The following CYP4A11 variants were observed in gnomAD, a reference collection of about 807,000 sequenced individuals.
The protein encoded by CYP4A11 is cytochrome P450 family 4 subfamily A member 11, also known as cytochrome P450 4A11.
Under a neutral mutation model 57.7 loss-of-function variants are expected in CYP4A11, and 52 were observed. That is an observed-to-expected ratio of 0.90 (90% CI 0.72 to 1.14). The LOEUF (loss-of-function observed/expected upper bound fraction) is 1.14. CYP4A11 is among the 50% of genes most tolerant of loss of function. CYP4A11 has a pLI of 0.00. For missense variants in CYP4A11, 641 were observed against 642.1 expected (o/e 1.00, Z 0.02); for synonymous variants, 228 against 247.1 (o/e 0.92, Z 0.72).
chr1:46,933,825 T>C (rs4660980), intron 9 of CYP4A11, 121 bp downstream of exon 9: 209,330 of 1,445,466 alleles, frequency 0.14, 16,746 homozygotes, highest in South Asian at 0.29. Context: ...AGTATGTTTT[T>C]GATTTTTTTA....
intron 11 of CYP4A11, chr1:46,932,318 G>A (rs1251576341): frequency 9.6e-7 from 1 of 1,037,460 alleles, no homozygotes; most frequent in African/African-American, 1.7e-5. Context: ...CTCTACGACA[G>A]ACTAGTGAAT....
chr1:46,936,631 G>T, intron 4 of CYP4A11, 33 bp downstream of exon 4: 1 of 1,549,314 alleles, frequency 6.5e-7, no homozygotes, highest in Middle Eastern at 1.9e-4. Flanking sequence ...TGCTGTGAGT[G>T]GGTGTGGGGA....
At chr1:46,939,936 C>T (rs576386412) in intron 1 of CYP4A11, among the ~76,000 whole-genome samples, 1 of 147,376 alleles carries the variant, frequency 6.8e-6, no homozygotes, top group South Asian at 2.3e-4. Flanking sequence ...TTCTGCTCTG[C>T]TGAGAACTAT....
At position 46,934,358 on chromosome 1, in the gene CYP4A11, A is replaced by G; in HGVS notation, c.906T>C (p.Asn302=). 4 of 1,583,352 alleles carry G rather than the reference A, an allele frequency of 2.5e-6. No individual in the cohort carries two copies. Among genetic ancestry groups the G allele is most frequent in the Admixed American group, 3.5e-5 (2 of 57,410 alleles). The part of the protein sequence containing the change: ...LDILLLAKME[N]GSILSDKDLR... Reference sequence around the variant, plus strand: ...GGTCCTTGTCTGACAAGATGCTCCCATTCTCCATCTGGGAAGACCGTGGTG... The same window carrying G: ...GGTCCTTGTCTGACAAGATGCTCCCGTTCTCCATCTGGGAAGACCGTGGTG... The change falls in exon 8 of 12, where the codon AAT becomes AAC. Residue 302 remains asparagine (N), a synonymous_variant. Transcript: ENST00000310638.
intron 9 of CYP4A11, 152 bp downstream of exon 9, chr1:46,933,794 A>G: frequency 1.5e-6 from 2 of 1,329,706 alleles, no homozygotes; most frequent in South Asian, 3.1e-5. Context: ...AGACTTTTCA[A>G]ATTCTTTATC....
chr1:46,932,950 T>C, intron 10 of CYP4A11, 33 bp downstream of exon 10: 1 of 1,614,150 alleles, frequency 6.2e-7, no homozygotes, highest in East Asian at 2.2e-5. Flanking sequence ...TCTTGAGGGA[T>C]CACCTCATTT....
chr1:46,936,883 T>A, intron 3 of CYP4A11, 92 bp from the exon 4 acceptor site: 1 of 1,489,796 alleles, frequency 6.7e-7, no homozygotes. Context: ...GGTGACAATT[T>A]GGGAGGGAGA....
Position 46,930,112 on chromosome 1 carries a change from C to A in CYP4A11, c.*3G>T. The A allele has an allele frequency of 1.2e-6, 2 of 1,604,780 alleles. No homozygotes were observed. Among genetic ancestry groups the A allele is most frequent in the Non-Finnish European group, 8.5e-7 (1 of 1,174,170 alleles). ...AGGAAGACAGGACGGCAGGTGGAGG[C>A]CCTCAAAGCTGGTCCTTGTCTTCAC... On this transcript the variant is annotated 3_prime_UTR_variant, in exon 12 of 12. Coordinates refer to ENST00000310638, the MANE Select transcript of CYP4A11 (RefSeq NM_000778.4).
chr1:46,937,414 C>G lies in CYP4A11; in HGVS notation c.338-68G>C, dbSNP rs146710224. The G allele has an allele frequency of 9.0e-3, 13,685 of 1,528,244 alleles. 75 individuals are homozygous for G. The highest frequency in any genetic ancestry group is 0.011 in the Non-Finnish European group (11,906 of 1,105,276). The allele number at this position is 1,528,244 out of a possible 1,614,324, so 94.7% of individuals were successfully genotyped here. A position where few individuals can be genotyped will look rare whatever the true frequency, so the allele number is the denominator to read the frequency against. ...AAGAAGGCAGTCTTAGAGGCTGCAT[C>G]AATTCTTGGTGTCTGTCAGTTGGCA... On this transcript the variant is annotated intron_variant, in intron 2 of 11. Coordinates refer to ENST00000310638, the MANE Select transcript of CYP4A11 (RefSeq NM_000778.4).
rs777506430 is a variant in CYP4A11 at position 46,941,299 on chromosome 1, G to A, written c.135C>T (p.Leu45=). The stretch of plus-strand genomic sequence containing the variant: ...GGCACGGGAACTGCTGGAGGGCTTT[G>A]AGCAGCCACTGCCTGTGCAGGTAGA... ...VQLYLHRQWL[L]KALQQFPCPP... is the part of the protein sequence containing the mutation. Residue 45 remains leucine (L), a synonymous_variant, in exon 1 of 12, where the codon CTC becomes CTT. Transcript: ENST00000310638. 1.9e-6 allele frequency: 3 copies of A among 1,614,172 alleles called. No individual in the cohort carries two copies. Among genetic ancestry groups the A allele is most frequent in the Non-Finnish European group, 2.5e-6 (3 of 1,180,032 alleles).
chr1:46,934,107 C>T (rs1310228901), intron 8 of CYP4A11, 28 bp from the exon 9 acceptor site: 1 of 1,610,986 alleles, frequency 6.2e-7, no homozygotes, highest in Non-Finnish European at 8.5e-7. Flanking sequence ...TGAACACCAG[C>T]AAGGCCTGGG....
Position 46,932,763 on chromosome 1 carries a change from T to C in CYP4A11, c.1362A>G (p.Ser454=). ...AATTACCACACAGGACGTCTCACCT[T>C]GATCCTCCTGAGAAGGGCAGGAAAG... ...SHAFLPFSGG[S]RNCIGKQFAM... Residue 454 remains serine (S), a splice_region_variant and synonymous_variant, in exon 11 of 12, where the codon TCA becomes TCG. Coordinates refer to ENST00000310638, the MANE Select transcript of CYP4A11 (RefSeq NM_000778.4). 2 of 1,614,194 alleles carry C rather than the reference T, an allele frequency of 1.2e-6. No individual in the cohort carries two copies. The highest frequency in any genetic ancestry group is 1.7e-6 in the Non-Finnish European group (2 of 1,180,036).
rs1469093191 is a variant in CYP4A11 at position 46,938,215 on chromosome 1, C to T, written c.196-78G>A. 7.0e-6 allele frequency: 11 copies of T among 1,577,012 alleles called. No homozygotes were observed. The East Asian group carries it at 2.5e-4, about 35-fold the overall frequency. ...GCAGGAGTGAAGGGCAGGACAACTA[C>T]AGGAGCCATGTAGCGCAGGTTAGGG... On this transcript the variant is annotated intron_variant, in intron 1 of 11. Transcript: ENST00000310638.
chr1:46,940,858 A>G, intron 1 of CYP4A11: 1 of 985,234 alleles, frequency 1.0e-6, no homozygotes, highest in Non-Finnish European at 1.2e-6. Flanking sequence ...TGGCAAACAC[A>G]GGGCCAGGCA....
Position 46,932,746 on chromosome 1 carries a change from C to T in CYP4A11, c.1364+15G>A. ...CCTCATTCCTCTATTCGAATTACCA[C>T]ACAGGACGTCTCACCTTGATCCTCC... On this transcript the variant is annotated intron_variant, in intron 11 of 11. Coordinates refer to ENST00000310638, the MANE Select transcript of CYP4A11 (RefSeq NM_000778.4). The T allele has an allele frequency of 6.2e-7, 1 of 1,614,214 alleles. No individual in the cohort carries two copies. The highest frequency in any genetic ancestry group is 8.5e-7 in the Non-Finnish European group (1 of 1,180,042).
intron 6 of CYP4A11, 44 bp downstream of exon 6, chr1:46,934,955 CG>C: frequency 1.3e-6 from 2 of 1,597,476 alleles, no homozygotes; most frequent in Non-Finnish European, 1.7e-6. Context: ...CAAGTTCTTT[CG>C]CTGTGCCTGG....
At chr1:46,931,145 C>G (rs943964390) in intron 11 of CYP4A11, among the ~76,000 whole-genome samples, 1 of 152,198 alleles carries the variant, frequency 6.6e-6, no homozygotes, top group Non-Finnish European at 1.5e-5. Flanking sequence ...CTGTCCAGCC[C>G]ACGTCCTGGC....
chr1:46,934,587 G>T (rs1478601974), intron 6 of CYP4A11, 28 bp from the exon 7 acceptor site: 1 of 1,589,356 alleles, frequency 6.3e-7, no homozygotes, highest in Admixed American at 1.7e-5. Flanking sequence ...TTACCAGGCA[G>T]AGCTGAGACC....
chr1:46,932,547 G>T (rs1203321343), intron 11 of CYP4A11: 119 of 1,427,408 alleles, frequency 8.3e-5, no homozygotes, highest in Non-Finnish European at 1.1e-4. Flanking sequence ...ATTTGAAGAA[G>T]CAGAGGGAGC....
Sources: gnomAD v4.1 joint callset for allele counts (sites outside exome capture counted in the v4.1 genomes callset) on GRCh38, gnomAD v4.1.1 for gene constraint, MANE v1.5 for transcripts, NCBI Gene and HGNC (gene_info 2026-07-23, HGNC 2026-07-21) for gene names.